GC: variants seen among roughly 807,000 people sequenced by gnomAD.
GC encodes vitamin D-binding protein.
Under a neutral mutation model 56.7 loss-of-function variants are expected in GC, and 43 were observed. The observed-to-expected ratio is 0.76, with a 90% CI of 0.59 to 0.98. The LOEUF (loss-of-function observed/expected upper bound fraction) is 0.98, where lower values mean the gene tolerates loss of function less well. Ranked by LOEUF, GC falls within the 50% of genes least tolerant of loss-of-function variation. The pLI is 0.00. For synonymous variants in GC, 216 were observed against 202.7 expected (o/e 1.07, Z -0.56); for missense variants, 529 against 545.9 (o/e 0.97, Z 0.31).
upstream of GC, chr4:71,804,122 C>T (rs568462100): frequency 3.0e-5 from 19 of 629,658 alleles, no homozygotes; most frequent in African/African-American, 3.3e-4. Context: ...CCAGGTCTGT[C>T]CCACAGACCC....
At chr4:71,789,078 C>T (rs1187859987), upstream of GC, among the ~76,000 whole-genome samples, 1 of 151,306 alleles carries the variant, frequency 6.6e-6, no homozygotes, top group Non-Finnish European at 1.5e-5. Context: ...CAAGTATTGA[C>T]AATTGTAGTA....
intron 6 of GC, among the ~76,000 whole-genome samples, chr4:71,760,041 GTTTT>G (rs66464250): frequency 9.9e-6 from 1 of 101,464 alleles, no homozygotes; most frequent in Non-Finnish European, 2.2e-5. Flanking sequence ...AAAGAAACTA[GTTTT>G]TTTTTTTTTT....
At chr4:71,805,175 C>A (rs549289276), upstream of GC, among the ~76,000 whole-genome samples, 7 of 152,188 alleles carry the variant, frequency 4.6e-5, no homozygotes, top group African/African-American at 1.7e-4. Context: ...TTAATTGAGC[C>A]TGGGAAACCC....
chr4:71,799,771 G>A (rs1743205250), intron 1 of GC, among the ~76,000 whole-genome samples: 1 of 152,198 alleles, frequency 6.6e-6, no homozygotes, highest in Non-Finnish European at 1.5e-5. Context: ...CAACAAAAAA[G>A]CAGTGAAGGT....
chr4:71,773,736 G>A (rs190667459), intron 1 of GC, among the ~76,000 whole-genome samples: 328 of 152,126 alleles, frequency 2.2e-3, no homozygotes, highest in Non-Finnish European at 4.2e-3. Context: ...CGTACAGGAT[G>A]CTAGGAACTA....
chr4:71,749,285 C>A (rs1045448680), intron 11 of GC, among the ~76,000 whole-genome samples: 1 of 152,138 alleles, frequency 6.6e-6, no homozygotes, highest in Non-Finnish European at 1.5e-5. Context: ...GAGCTACAAA[C>A]CTGTCTTCTC....
chr4:71,794,772 C>T (rs1743056076), intron 1 of GC, among the ~76,000 whole-genome samples: 1 of 152,094 alleles, frequency 6.6e-6, no homozygotes, highest in Non-Finnish European at 1.5e-5. Context: ...TTTTATCTTT[C>T]CTGCTTTCTC....
intron 6 of GC, among the ~76,000 whole-genome samples, chr4:71,759,883 A>C (rs1741905116): frequency 1.3e-5 from 2 of 152,150 alleles, no homozygotes; most frequent in African/African-American, 4.8e-5. Flanking sequence ...CTTAATGATT[A>C]TATAAGTAAT....
At chr4:71,751,462 A>G (rs539504121) in intron 11 of GC, among the ~76,000 whole-genome samples, 1 of 152,244 alleles carries the variant, frequency 6.6e-6, no homozygotes, top group Admixed American at 6.5e-5. Flanking sequence ...ACACTAATTC[A>G]TCTATTAATA....
chr4:71,746,626 T>C (rs1741374579), intron 11 of GC, among the ~76,000 whole-genome samples: 1 of 151,882 alleles, frequency 6.6e-6, no homozygotes. Context: ...GGAGTCATTA[T>C]GTGCAAAGGC....
chr4:71,804,484 GT>G (rs1466273923), upstream of GC, among the ~76,000 whole-genome samples: 2 of 152,072 alleles, frequency 1.3e-5, no homozygotes, highest in East Asian at 3.9e-4. Context: ...CAGCCTTTAT[GT>G]TTTGCCAGCC....
Position 71,784,028 on chromosome 4 carries a change from A to G in GC, c.-10T>C. 1.2e-6 allele frequency: 2 copies of G among 1,604,006 alleles called. No homozygotes were observed. Among genetic ancestry groups the G allele is most frequent in the Non-Finnish European group, 8.5e-7 (1 of 1,173,992 alleles). On this transcript the variant is annotated 5_prime_UTR_variant, in exon 1 of 13. Coordinates refer to ENST00000273951, the MANE Select transcript of GC (RefSeq NM_000583.4). ...CCAGGACCCTCTTCATTTTTCTACC[A>G]GAGAGTCTTGCAGCACCTCCTCTCT...
upstream of GC, among the ~76,000 whole-genome samples, chr4:71,785,316 G>T (rs1301183054): frequency 6.6e-6 from 1 of 151,632 alleles, no homozygotes; most frequent in Non-Finnish European, 1.5e-5. Flanking sequence ...ATCTGTGAAG[G>T]TCAATGAAAC....
At position 71,752,584 on chromosome 4, in the gene GC, G is replaced by C; in HGVS notation, c.1329C>G (p.Asn443Lys). The C allele has an allele frequency of 6.2e-7, 1 of 1,613,124 alleles. No individual in the cohort carries two copies. The highest frequency in any genetic ancestry group is 8.5e-7 in the Non-Finnish European group (1 of 1,179,094). The change falls in exon 11 of 13, where the codon AAC becomes AAG. Residue 443 changes from asparagine to lysine, a missense_variant. Physicochemically the swap from Asn to Lys is moderately conservative, Grantham distance 94. Transcript: ENST00000273951. ...AGTTGGAGGCAAAGTCTGAGTGCTTGTTAACCAGCTTTGCCAGTTCCGTGG... is the reference window on the plus strand; with the variant it reads ...AGTTGGAGGCAAAGTCTGAGTGCTTCTTAACCAGCTTTGCCAGTTCCGTGG... The part of the protein sequence containing the change: ...ATPTELAKLV[N>K]KHSDFASNCC...
intron 1 of GC, among the ~76,000 whole-genome samples, chr4:71,791,459 T>G (rs1463942454): frequency 6.6e-6 from 1 of 152,074 alleles, no homozygotes; most frequent in Non-Finnish European, 1.5e-5. Flanking sequence ...CTCTCTTTTC[T>G]TTTTAATTGC....
chr4:71,803,918 C>A, intron 1 of GC: 1 of 1,478,550 alleles, frequency 6.8e-7, no homozygotes, highest in Non-Finnish European at 9.1e-7. Flanking sequence ...GGAATTAGAA[C>A]GCAGTACCTC....
chr4:71,802,647 T>G (rs1346947116), intron 1 of GC, among the ~76,000 whole-genome samples: 1 of 152,216 alleles, frequency 6.6e-6, no homozygotes, highest in African/African-American at 2.4e-5. Flanking sequence ...AGGAACCACT[T>G]GTACTATCAA....
At position 71,793,037 on chromosome 4, in the gene GC, G is replaced by A. The variant is rs192302835; in HGVS notation, c.22-8983C>T. The stretch of plus-strand genomic sequence containing the variant: ...TGGTCTATATCTCTGTTGGGGTACG[G>A]GTACCATGCTGTTTTGGTTACTGTA... On this transcript the variant is annotated intron_variant, in intron 1 of 13. Transcript: ENST00000504199. Among the ~76,000 whole-genome samples, 174 of 152,038 alleles carry A rather than the reference G, an allele frequency of 1.1e-3. 1 individual carries two copies. Among genetic ancestry groups the A allele is most frequent in the Middle Eastern group, 6.8e-3 (2 of 294 alleles).
chr4:71,792,481 T>C (rs899996815), intron 1 of GC, among the ~76,000 whole-genome samples: 2 of 152,224 alleles, frequency 1.3e-5, no homozygotes, highest in African/African-American at 4.8e-5. Flanking sequence ...TCTGTTCATA[T>C]CCTTTGCCCA....
Sources: gnomAD v4.1 joint callset for allele counts (sites outside exome capture counted in the v4.1 genomes callset) on GRCh38, gnomAD v4.1.1 for gene constraint, MANE v1.5 for transcripts, NCBI Gene and HGNC (gene_info 2026-07-23, HGNC 2026-07-21) for gene names.